Variants in STK36 observed in about 807,000 individuals in gnomAD.
STK36 encodes serine/threonine-protein kinase 36.
STK36 carries 116 observed loss-of-function variants against 142.2 expected under a neutral mutation model. The ratio of observed to expected loss-of-function variants is 0.82; its 90% CI spans 0.70 to 0.95. The LOEUF (loss-of-function observed/expected upper bound fraction) is 0.95, where lower values mean the gene tolerates loss of function less well. STK36 is among the 40% of genes least tolerant of loss of function. STK36 has a pLI of 0.00. For missense variants in STK36, 1,422 were observed against 1,617.2 expected, an observed-to-expected ratio of 0.88 and a Z score of 2.07; for synonymous variants, 619 against 641.7, an observed-to-expected ratio of 0.96 and a Z score of 0.53.
chr2:218,688,429 C>A, intron 11 of STK36: 1 of 586,350 alleles, frequency 1.7e-6, no homozygotes. Context: ...ATGGGAATGG[C>A]ACTTAGTCTG....
At chr2:218,675,916 C>T in intron 5 of STK36, 113 bp from the exon 6 acceptor site, 1 of 1,388,450 alleles carries the variant, frequency 7.2e-7, no homozygotes, top group South Asian at 1.3e-5. Context: ...TCTTCTGGAA[C>T]CTAATCAAAG....
intron 17 of STK36, 45 bp from the exon 18 acceptor site, chr2:218,693,678 G>A (rs751663715): frequency 7.7e-6 from 12 of 1,561,784 alleles, no homozygotes; most frequent in Admixed American, 7.2e-5. Context: ...CTTGGAGCCC[G>A]GGGCCTGCCC....
intron 22 of STK36, 177 bp downstream of exon 22, chr2:218,696,778 C>A: frequency 1.1e-6 from 1 of 909,554 alleles, no homozygotes; most frequent in Non-Finnish European, 1.8e-6. Context: ...TGAAGGAAAC[C>A]ATTCGCTGCG....
intron 26 of STK36, 62 bp from the exon 27 acceptor site, chr2:218,701,804 C>T: frequency 1.3e-6 from 2 of 1,592,730 alleles, no homozygotes. Context: ...TCCGCACCTG[C>T]CCCAGACACC....
intron 26 of STK36, among the ~76,000 whole-genome samples, chr2:218,700,536 G>A (rs536788259): frequency 1.3e-5 from 2 of 151,628 alleles, no homozygotes; most frequent in African/African-American, 4.8e-5. Context: ...CAAGTAGCTG[G>A]GATTACAGGC....
At position 218,697,046 on chromosome 2, in the gene STK36, A is replaced by C; in HGVS notation, c.2594A>C (p.Lys865Thr). The C allele has an allele frequency of 6.2e-7, 1 of 1,613,570 alleles. No individual in the cohort carries two copies. The highest frequency in any genetic ancestry group is 8.5e-7 in the Non-Finnish European group (1 of 1,179,776). Residue 865 changes from lysine to threonine, a missense_variant, in exon 23 of 27, where the codon AAG becomes ACG. Around this residue, in one of 2 missense-constraint regions of STK36, gnomAD observed 962 missense variants for 1,167.5 expected, o/e 0.82. Transcript: ENST00000295709. ...LLLQLLTEQG[K>T]ASLIRDMSSS... ...TTTCACTTTTATCTCTAGCAGGGGA[A>C]GGCTAGCCTAATCAGGGATATGTCC...
At chr2:218,677,666 A>G (rs1940316755) in intron 6 of STK36, among the ~76,000 whole-genome samples, 1 of 152,254 alleles carries the variant, frequency 6.6e-6, no homozygotes. Flanking sequence ...CAAAGCTATC[A>G]GAATGGTGAG....
chr2:218,684,480 G>T (rs1250382613), intron 10 of STK36, among the ~76,000 whole-genome samples: 1 of 136,830 alleles, frequency 7.3e-6, no homozygotes, highest in Non-Finnish European at 1.5e-5. Context: ...GAGTGCAGTG[G>T]TGACATCTCG....
In STK36 at chr2:218,698,731, G is replaced by A. The variant is rs1021513467; in HGVS notation, c.3187G>A (p.Val1063Ile). ...AGTGTCTGCCTCCCCTAGAACCATC[G>A]TCTCGTTTCTCTCAGTTGCCCTCCT... ...NTVSASPRTI[V>I]SFLSVALLSD... The change falls in exon 26 of 27, where the codon GTC becomes ATC. Residue 1063 changes from valine to isoleucine, a missense_variant. Physicochemically the swap from Val to Ile is conservative, Grantham distance 29 (BLOSUM62 3). Transcript: ENST00000295709. 17 of 1,613,924 alleles carry A rather than the reference G, an allele frequency of 1.1e-5. No individual in the cohort carries two copies. Among genetic ancestry groups the A allele is most frequent in the East Asian group, 2.2e-5 (1 of 44,884 alleles).
chr2:218,693,956 T>G lies in STK36; in HGVS notation c.2309T>G (p.Val770Gly). ...ACACTCTACTTCCTCTCCCTTCTTG[T>G]CTTTCGGCTCCAAAACCTGCCTTGT... The part of the protein sequence containing the change: ...EVTLYFLSLL[V>G]FRLQNLPCGM... Residue 770 changes from valine to glycine, a missense_variant, in exon 19 of 27, where the codon GTC (valine) becomes GGC (glycine). Physicochemically the swap from Val to Gly is moderately radical, Grantham distance 109. This residue lies in a region of STK36 where 962 missense variants were observed against 1,167.5 expected (regional missense o/e 0.82). Coordinates refer to ENST00000295709, the MANE Select transcript of STK36 (RefSeq NM_015690.5). 6.2e-7 allele frequency: 1 copy of G among 1,614,246 alleles called. No homozygotes were observed. The highest frequency in any genetic ancestry group is 1.1e-5 in the South Asian group (1 of 91,086).
rs1346525534 is a variant in STK36 at position 218,694,694 on chromosome 2, A to G, written c.2511+59A>G. On this transcript the variant is annotated intron_variant, in intron 21 of 26. Transcript: ENST00000295709. The surrounding 1 kb of genome is among the most constrained non-coding windows in gnomAD (Gnocchi z 4.4). ...TCTCTGAGTCAGACACTAGGACTGC[A>G]TTCAAGGGGAAAAGACTGAAATGCC... is the stretch of plus-strand genomic sequence containing the variant. 26 of 1,430,092 alleles carry G rather than the reference A, an allele frequency of 1.8e-5. No homozygotes were observed. The highest frequency in any genetic ancestry group is 2.4e-5 in the Non-Finnish European group (24 of 1,017,164). 88.6% of individuals were successfully genotyped at this position (1,430,092 alleles called of 1,614,324 possible).
chr2:218,701,800 C>A lies in STK36; in HGVS notation c.3805-66C>A. On this transcript the variant is annotated intron_variant, in intron 26 of 26. Transcript: ENST00000295709. ...CCTGGGTAAATGAGAGTCCTCCGCA[C>A]CTGCCCCAGACACCACCATTTCTGA... is the stretch of plus-strand genomic sequence containing the variant. 4.4e-6 allele frequency: 7 copies of A among 1,582,818 alleles called. No individual in the cohort carries two copies. The South Asian group carries it at 8.1e-5, about 18-fold the overall frequency.
At chr2:218,686,681 G>T (rs192898466) in intron 11 of STK36, among the ~76,000 whole-genome samples, 41 of 152,266 alleles carry the variant, frequency 2.7e-4, no homozygotes, top group Admixed American at 1.3e-3. Flanking sequence ...TGATGTATTG[G>T]GTTGTTTCCA....
chr2:218,700,181 A>G (rs1941391812), intron 26 of STK36, among the ~76,000 whole-genome samples: 1 of 151,656 alleles, frequency 6.6e-6, no homozygotes, highest in Non-Finnish European at 1.5e-5. Context: ...TTGGCCTCCC[A>G]GAGTGCTGGG....
In STK36 at chr2:218,693,779, G is replaced by A. The variant is rs200516757; in HGVS notation, c.2205G>A (p.Glu735=). The A allele has an allele frequency of 3.1e-6, 5 of 1,614,114 alleles. No individual in the cohort carries two copies. The East Asian group carries it at 1.1e-4, about 36-fold the overall frequency. ...SEGLCRLLGQ[E]PLALESLFML... is the part of the protein sequence containing the mutation. The stretch of plus-strand genomic sequence containing the variant: ...GCCTGTGCCGTCTTCTGGGGCAGGA[G>A]CCCCTGGCCTTGGAATCCCTGTTTA... Residue 735 remains glutamate (E), a synonymous_variant, in exon 18 of 27, where the codon GAG becomes GAA. Coordinates refer to ENST00000295709, the MANE Select transcript of STK36 (RefSeq NM_015690.5).
rs772828240 is a variant in STK36, at chr2:218,679,721, A to T, written c.940A>T (p.Met314Leu). The change falls in exon 8 of 27, where the codon ATG becomes TTG. Residue 314 changes from methionine (M) to leucine (L), a missense_variant. Met to Leu is a conservative substitution (Grantham distance 15). Around this residue, in one of 2 missense-constraint regions of STK36, gnomAD observed 460 missense variants for 449.6 expected, o/e 1.02. Coordinates refer to ENST00000295709, the MANE Select transcript of STK36 (RefSeq NM_015690.5). ...CTATAAACGCATGGCTGAGGAGGCC[A>T]TGCAGAAGGTGTGTGGGGCAGAGGA... ...QAYKRMAEEAMQKKHQNTGPA... is the reference protein window; with the variant it reads ...QAYKRMAEEALQKKHQNTGPA... 2 of 1,614,248 alleles carry T rather than the reference A, an allele frequency of 1.2e-6. No homozygotes were observed. Among genetic ancestry groups the T allele is most frequent in the South Asian group, 2.2e-5 (2 of 91,088 alleles).
chr2:218,686,186 G>A (rs1003351446), intron 11 of STK36, among the ~76,000 whole-genome samples: 11 of 151,990 alleles, frequency 7.2e-5, no homozygotes, highest in South Asian at 4.1e-4. Flanking sequence ...TGATCCGCCC[G>A]CCTCAGCCTC....
At chr2:218,683,183 C>T (rs1940611601) in intron 10 of STK36, among the ~76,000 whole-genome samples, 1 of 152,094 alleles carries the variant, frequency 6.6e-6, no homozygotes. Flanking sequence ...AATCATGGCT[C>T]ACTGCAGCCT....
At chr2:218,692,782 A>G in intron 16 of STK36, 72 bp downstream of exon 16, 3 of 1,514,494 alleles carry the variant, frequency 2.0e-6, no homozygotes, top group Non-Finnish European at 2.6e-6. Context: ...CCAGTTTTTC[A>G]GAAAGGCAGA....
Sources: allele counts gnomAD v4.1 joint callset (sites outside exome capture counted in the v4.1 genomes callset), GRCh38; gene constraint gnomAD v4.1.1; regional missense constraint gnomAD v4.1.1; non-coding constraint Gnocchi (gnomAD v3.1); transcripts MANE v1.5; gene names NCBI Gene and HGNC (gene_info 2026-07-23, HGNC 2026-07-21).